The following INPP4B variants were observed in gnomAD, a reference collection of about 807,000 sequenced individuals.
The protein encoded by INPP4B is inositol polyphosphate-4-phosphatase type II B, also known as inositol polyphosphate 4-phosphatase type II.
A neutral mutation model predicts 122.5 loss-of-function variants in INPP4B; 55 were observed. The observed-to-expected ratio is 0.45, with a 90% CI of 0.36 to 0.56. The LOEUF (loss-of-function observed/expected upper bound fraction) is 0.56, where lower values mean the gene tolerates loss of function less well. Among genes scored for constraint, INPP4B ranks in the 20% least tolerant of loss-of-function variants. INPP4B has a pLI of 0.00. For missense variants in INPP4B, 1,000 were observed against 1,097.7 expected, an observed-to-expected ratio of 0.91 and a Z score of 1.26; for synonymous variants, 403 against 388.7, an observed-to-expected ratio of 1.04 and a Z score of -0.43.
chr4:142,581,750 A>G (rs1735133488), intron 2 of INPP4B, among the ~76,000 whole-genome samples: 1 of 151,916 alleles, frequency 6.6e-6, no homozygotes, highest in Non-Finnish European at 1.5e-5. Context: ...ACTATTCTAA[A>G]TTGAGCATCA....
chr4:142,713,462 G>T (rs1307085429), intron 2 of INPP4B, among the ~76,000 whole-genome samples: 6 of 152,170 alleles, frequency 3.9e-5, no homozygotes, highest in African/African-American at 1.4e-4. Flanking sequence ...GAGAGAGTAA[G>T]CGAAAGATTG....
At chr4:142,492,859 A>G (rs950286262) in intron 2 of INPP4B, among the ~76,000 whole-genome samples, 8 of 152,212 alleles carry the variant, frequency 5.3e-5, no homozygotes, top group Admixed American at 6.5e-5. Flanking sequence ...AATCACCAAG[A>G]CAATGAGGAA....
At chr4:142,029,327 T>C in intron 25 of INPP4B, 1 of 985,814 alleles carries the variant, frequency 1.0e-6, no homozygotes, top group Non-Finnish European at 1.2e-6. Flanking sequence ...TTTAATTTAT[T>C]AAGTCTGGCC....
intron 3 of INPP4B, among the ~76,000 whole-genome samples, chr4:142,445,453 A>ATTCC (rs1252747889): frequency 6.6e-6 from 1 of 152,250 alleles, no homozygotes; most frequent in East Asian, 1.9e-4. Context: ...TAGATTTCAC[A>ATTCC]TTAAGGAATA....
intron 1 of INPP4B, among the ~76,000 whole-genome samples, chr4:142,806,811 G>GA (rs1362831088): frequency 7.0e-6 from 1 of 141,862 alleles, no homozygotes; most frequent in South Asian, 2.3e-4. Flanking sequence ...AAGAAAGAAA[G>GA]AAAGAAAGAA....
At chr4:142,823,772 G>T (rs1781087523) in intron 1 of INPP4B, among the ~76,000 whole-genome samples, 1 of 152,166 alleles carries the variant, frequency 6.6e-6, no homozygotes. Context: ...GCTCCAATGA[G>T]AAAGCAAAGG....
chr4:142,753,956 T>C (rs886299808), intron 1 of INPP4B, among the ~76,000 whole-genome samples: 2 of 152,170 alleles, frequency 1.3e-5, no homozygotes, highest in Admixed American at 6.6e-5. Context: ...CCTTCCTTTT[T>C]TCACAAACGC....
chr4:142,802,903 C>T (rs536703873), intron 1 of INPP4B, among the ~76,000 whole-genome samples: 2 of 152,018 alleles, frequency 1.3e-5, no homozygotes, highest in South Asian at 4.2e-4. Flanking sequence ...GGTGCGGTGG[C>T]TCATCCCTTT....
chr4:142,495,843 A>G (rs1822483023), intron 2 of INPP4B, among the ~76,000 whole-genome samples: 1 of 152,162 alleles, frequency 6.6e-6, no homozygotes, highest in African/African-American at 2.4e-5. Context: ...CTGAGTGGGC[A>G]CCAAAACATT....
chr4:142,435,884 C>T (rs2149403739), intron 3 of INPP4B, among the ~76,000 whole-genome samples: 2 of 152,020 alleles, frequency 1.3e-5, no homozygotes, highest in African/African-American at 4.8e-5. Flanking sequence ...CCTAAGTCAG[C>T]CAGGTTTCTG....
rs1229992310 is a variant in INPP4B at position 142,742,725 on chromosome 4, G to A, written c.-253-16824C>T. ...TTGGGGCAGAAAGAAAAGAATCTCAGATAAGTATGAGATATAAGAAGAACT... is the reference window on the plus strand; with the variant it reads ...TTGGGGCAGAAAGAAAAGAATCTCAAATAAGTATGAGATATAAGAAGAACT... On this transcript the variant is annotated intron_variant, in intron 1 of 25. Coordinates refer to ENST00000262992, the MANE Select transcript of INPP4B (RefSeq NM_001101669.3). 2.6e-5 allele frequency among the ~76,000 whole-genome samples: 4 copies of A among 152,052 alleles called. No individual in the cohort carries two copies. The East Asian group carries it at 7.7e-4, about 29-fold the overall frequency.
chr4:142,119,723 C>A (rs1795621086), intron 21 of INPP4B, among the ~76,000 whole-genome samples: 2 of 151,114 alleles, frequency 1.3e-5, no homozygotes, highest in Admixed American at 6.6e-5. Context: ...TGCGGCACAC[C>A]AACATGGCAG....
At chr4:142,108,331 AT>A (rs1788206941) in intron 22 of INPP4B, 141 bp from the exon 23 acceptor site, 1 of 650,314 alleles carries the variant, frequency 1.5e-6, no homozygotes, top group East Asian at 2.8e-5. Context: ...ACAATTCACA[AT>A]GGTGATTTCA....
In INPP4B at chr4:142,025,011, T is replaced by C. The variant is rs945833071; in HGVS notation, c.*3771A>G. 5.9e-5 allele frequency: 9 copies of C among 152,220 alleles called. No homozygotes were observed. The highest frequency in any genetic ancestry group is 5.9e-4 in the Admixed American group (9 of 15,266). The allele number at this position is 152,220 out of a possible 1,614,324, so 9.4% of individuals were successfully genotyped here. A position where few individuals can be genotyped will look rare whatever the true frequency, so the allele number is the denominator to read the frequency against. On this transcript the variant is annotated 3_prime_UTR_variant, in exon 26 of 26. Coordinates refer to ENST00000262992, the MANE Select transcript of INPP4B (RefSeq NM_001101669.3). ...ATTTATATAACCAAAATTATAGCCA[T>C]CTGAAGATAAGGGATTGCATTTGAT...
At chr4:142,834,787 G>A (rs949338016) in intron 1 of INPP4B, among the ~76,000 whole-genome samples, 1 of 152,156 alleles carries the variant, frequency 6.6e-6, no homozygotes, top group Non-Finnish European at 1.5e-5. Flanking sequence ...TCGCCTAAGA[G>A]ATTCTGACAA....
intron 2 of INPP4B, among the ~76,000 whole-genome samples, chr4:142,555,968 T>C (rs1729083515): frequency 1.3e-5 from 2 of 152,156 alleles, no homozygotes; most frequent in South Asian, 2.1e-4. Flanking sequence ...TAGATTTATA[T>C]GTATCTTTTC....
intron 2 of INPP4B, among the ~76,000 whole-genome samples, chr4:142,578,872 C>T (rs967005474): frequency 1.3e-5 from 2 of 151,982 alleles, no homozygotes; most frequent in East Asian, 1.9e-4. Context: ...TGATCTATTA[C>T]ATTTTCATGT....
intron 2 of INPP4B, among the ~76,000 whole-genome samples, chr4:142,550,603 C>T (rs1358414152): frequency 1.0e-3 from 10 of 9,532 alleles, no homozygotes; most frequent in African/African-American, 1.2e-3. Context: ...CACACACACA[C>T]ACATATATAT....
intron 1 of INPP4B, among the ~76,000 whole-genome samples, chr4:142,783,184 A>G (rs1037580197): frequency 7.9e-5 from 12 of 152,202 alleles, no homozygotes; most frequent in Non-Finnish European, 1.3e-4. Flanking sequence ...TAAACTCAAG[A>G]GCTTCTGCAC....
Sources: gnomAD v4.1 joint callset for allele counts (sites outside exome capture counted in the v4.1 genomes callset) on GRCh38, gnomAD v4.1.1 for gene constraint, MANE v1.5 for transcripts, NCBI Gene and HGNC (gene_info 2026-07-23, HGNC 2026-07-21) for gene names.